NKAIN2: variants seen among roughly 807,000 people sequenced by gnomAD.
The protein encoded by NKAIN2 is sodium/potassium-transporting ATPase subunit beta-1-interacting protein 2.
A neutral mutation model predicts 32.6 loss-of-function variants in NKAIN2; 14 were observed. That is an observed-to-expected ratio of 0.43 (90% CI 0.28 to 0.67). The LOEUF (loss-of-function observed/expected upper bound fraction) is 0.67. Among genes scored for constraint, NKAIN2 ranks in the 30% least tolerant of loss-of-function variants. NKAIN2 has a pLI of 0.17. For missense variants in NKAIN2, 198 were observed against 258.3 expected, an observed-to-expected ratio of 0.77 and a Z score of 1.60; for synonymous variants, 80 against 87.2, an observed-to-expected ratio of 0.92 and a Z score of 0.46.
intron 1 of NKAIN2, among the ~76,000 whole-genome samples, chr6:124,050,521 T>C (rs1215634996): frequency 1.3e-5 from 2 of 152,006 alleles, no homozygotes. Flanking sequence ...TCAGCCTGGC[T>C]TGGGGCTCAG....
chr6:124,274,344 T>C (rs143628419), intron 1 of NKAIN2, among the ~76,000 whole-genome samples: 339 of 152,294 alleles, frequency 2.2e-3, no homozygotes, highest in African/African-American at 7.7e-3. Flanking sequence ...TTGCAAACCA[T>C]GGAGTTATAT....
Position 124,525,560 on chromosome 6 carries a change from G to T in NKAIN2, c.274-132626G>T, listed in dbSNP as rs995018045. Among the ~76,000 whole-genome samples, 3 of 152,198 alleles carry T rather than the reference G, an allele frequency of 2.0e-5. No individual in the cohort carries two copies. The East Asian group carries it at 5.8e-4, about 29-fold the overall frequency. On this transcript the variant is annotated intron_variant, in intron 3 of 6. Coordinates refer to ENST00000368417, the MANE Select transcript of NKAIN2 (RefSeq NM_001040214.3). ...ATGGAAAAAAACTTATATGGGACAG[G>T]ACGTTTTACTTTACATTATCCCATT...
At chr6:124,310,661 G>A (rs1481728674) in intron 2 of NKAIN2, among the ~76,000 whole-genome samples, 2 of 152,096 alleles carry the variant, frequency 1.3e-5, no homozygotes, top group African/African-American at 2.4e-5. Context: ...ACTGAAAGCC[G>A]AAAGTAGCTG....
intron 2 of NKAIN2, among the ~76,000 whole-genome samples, chr6:124,315,531 C>A (rs933645725): frequency 6.6e-6 from 1 of 152,058 alleles, no homozygotes; most frequent in Non-Finnish European, 1.5e-5. Flanking sequence ...TGCTAAGAGC[C>A]TAAACTCTTT....
chr6:124,247,261 G>A (rs1416048410), intron 1 of NKAIN2, among the ~76,000 whole-genome samples: 1 of 152,020 alleles, frequency 6.6e-6, no homozygotes, highest in Non-Finnish European at 1.5e-5. Flanking sequence ...TGTTTCTTTT[G>A]AAACAGATGA....
At chr6:124,202,952 A>G (rs1027045110) in intron 1 of NKAIN2, among the ~76,000 whole-genome samples, 7 of 151,956 alleles carry the variant, frequency 4.6e-5, no homozygotes, top group African/African-American at 1.7e-4. Flanking sequence ...CTAATTTAGC[A>G]CAACATTATA....
At chr6:124,564,491 C>A (rs56706679) in intron 3 of NKAIN2, among the ~76,000 whole-genome samples, 21,329 of 152,166 alleles carry the variant, frequency 0.14, 1,570 homozygotes, top group South Asian at 0.18. Context: ...GCCAACCCCC[C>A]CCTCCCCCAC....
At chr6:124,510,982 A>G (rs1562229693) in intron 3 of NKAIN2, among the ~76,000 whole-genome samples, 1 of 152,170 alleles carries the variant, frequency 6.6e-6, no homozygotes, top group Non-Finnish European at 1.5e-5. Flanking sequence ...CAATATACAC[A>G]TAGTGTGTTA....
At position 124,414,424 on chromosome 6, in the gene NKAIN2, G is replaced by C. The variant is rs979096650; in HGVS notation, c.273+59077G>C. Among the ~76,000 whole-genome samples, 3 of 152,060 alleles carry C rather than the reference G, an allele frequency of 2.0e-5. No individual in the cohort carries two copies. In the South Asian group the frequency reaches 6.2e-4, roughly 32 times the overall value. ...ATTTGCTAAAATTTTGTTTAGAATT[G>C]CTATATCTATGTTCATGAGAGATAT... is the stretch of plus-strand genomic sequence containing the variant. On this transcript the variant is annotated intron_variant, in intron 3 of 6. Transcript: ENST00000368417.
chr6:123,925,553 A>G (rs1030960287), intron 1 of NKAIN2, among the ~76,000 whole-genome samples: 2 of 152,184 alleles, frequency 1.3e-5, no homozygotes, highest in Admixed American at 6.5e-5. Context: ...CTGTTTTGTT[A>G]TACATTACAC....
chr6:124,754,062 A>G (rs761209298), intron 4 of NKAIN2, among the ~76,000 whole-genome samples: 17 of 152,072 alleles, frequency 1.1e-4, no homozygotes, highest in Admixed American at 3.9e-4. Context: ...TAAAGACTCA[A>G]TTTTCAAAGC....
At chr6:124,242,834 A>G (rs917876449) in intron 1 of NKAIN2, among the ~76,000 whole-genome samples, 1 of 151,620 alleles carries the variant, frequency 6.6e-6, no homozygotes, top group African/African-American at 2.4e-5. Context: ...TGGGAGTTGA[A>G]CAATGAGAAC....
chr6:124,298,236 T>C (rs1796146008), intron 2 of NKAIN2, among the ~76,000 whole-genome samples: 1 of 152,182 alleles, frequency 6.6e-6, no homozygotes, highest in Non-Finnish European at 1.5e-5. Flanking sequence ...AGAACTTTTT[T>C]TTAATGTTTT....
At chr6:124,032,982 A>G (rs1477423462) in intron 1 of NKAIN2, among the ~76,000 whole-genome samples, 1 of 152,112 alleles carries the variant, frequency 6.6e-6, no homozygotes, top group African/African-American at 2.4e-5. Context: ...TTGATTAACA[A>G]CAACCAGACT....
At chr6:123,868,071 T>C (rs7770344) in intron 1 of NKAIN2, among the ~76,000 whole-genome samples, 15,931 of 152,028 alleles carry the variant, frequency 0.1, 1,573 homozygotes, top group African/African-American at 0.26. Flanking sequence ...GGTTTCACTG[T>C]GTTAGCCAGG....
At chr6:124,182,978 T>C (rs1229197474) in intron 1 of NKAIN2, among the ~76,000 whole-genome samples, 2 of 152,140 alleles carry the variant, frequency 1.3e-5, no homozygotes, top group Non-Finnish European at 2.9e-5. Context: ...GAAATCAGAA[T>C]GTTAAATATG....
At chr6:124,048,123 G>C (rs1782228796) in intron 1 of NKAIN2, among the ~76,000 whole-genome samples, 1 of 151,948 alleles carries the variant, frequency 6.6e-6, no homozygotes, top group South Asian at 2.1e-4. Context: ...TGCCTCTTCT[G>C]CTCCTCCCAT....
intron 1 of NKAIN2, among the ~76,000 whole-genome samples, chr6:124,049,393 C>T (rs933537361): frequency 3.3e-5 from 5 of 151,976 alleles, no homozygotes; most frequent in Admixed American, 6.6e-5. Flanking sequence ...CTGTGTATAT[C>T]ATCCAGATCT....
At chr6:124,723,925 T>A (rs529633785) in intron 4 of NKAIN2, among the ~76,000 whole-genome samples, 5 of 152,350 alleles carry the variant, frequency 3.3e-5, no homozygotes, top group African/African-American at 1.2e-4. Context: ...TTTTTATGCT[T>A]CTGAAACCCT....
Sources: gnomAD v4.1 joint callset for allele counts (sites outside exome capture counted in the v4.1 genomes callset) on GRCh38, gnomAD v4.1.1 for gene constraint, MANE v1.5 for transcripts, NCBI Gene and HGNC (gene_info 2026-07-23, HGNC 2026-07-21) for gene names.